The following RAB15 variants were observed in gnomAD, a reference collection of about 807,000 sequenced individuals.
RAB15 encodes ras-related protein Rab-15.
In RAB15, 13 loss-of-function variants were observed where a neutral mutation model predicts 31.8. The observed-to-expected ratio is 0.41, with a 90% confidence interval of 0.27 to 0.65. RAB15 has a LOEUF of 0.65. RAB15 is among the 30% of genes least tolerant of loss of function. The probability of loss-of-function intolerance (pLI) is 0.32; values close to 1 mark genes in which losing one functional copy is unlikely to be tolerated. For missense variants in RAB15, 220 were observed against 277.3 expected (o/e 0.79, Z 1.47); for synonymous variants, 100 against 105.6 (o/e 0.95, Z 0.33).
rs1419849218 is a variant in RAB15, at chr14:64,953,652, G to C, written c.125-1081C>G. ...AGAGAAGTCAGCACCACCAGCAGCA[G>C]CCAGCTTGACTCTGAGTGACAACAG... On this transcript the variant is annotated intron_variant, in intron 1 of 6. Coordinates refer to ENST00000533601, the MANE Select transcript of RAB15 (RefSeq NM_001308154.2). The surrounding 1 kb of genome is among the most constrained non-coding windows in gnomAD (Gnocchi z 4.6). 6.5e-6 allele frequency: 2 copies of C among 306,154 alleles called. No homozygotes were observed. Among genetic ancestry groups the C allele is most frequent in the African/African-American group, 4.5e-5 (2 of 44,154 alleles). The allele number at this position is 306,154 out of a possible 1,614,324, so 19.0% of individuals were successfully genotyped here. A position where few individuals can be genotyped will look rare whatever the true frequency, so the allele number is the denominator to read the frequency against.
Position 64,951,185 on chromosome 14 carries a change from C to T in RAB15, c.247-34G>A. The T allele has an allele frequency of 6.4e-7, 1 of 1,564,776 alleles. No individual in the cohort carries two copies. The highest frequency in any genetic ancestry group is 8.8e-7 in the Non-Finnish European group (1 of 1,140,044). ...GAGAGAAATAGAGAGATGTGATATG[C>T]ACAGAGAGAGTGCAGTCATGGGGCC... On this transcript the variant is annotated intron_variant, in intron 3 of 6. Coordinates refer to ENST00000533601, the MANE Select transcript of RAB15 (RefSeq NM_001308154.2). The surrounding 1 kb of genome is among the most constrained non-coding windows in gnomAD (Gnocchi z 7.2).
At position 64,970,454 on chromosome 14, in the gene RAB15, T is replaced by G. The variant is rs1283682072; in HGVS notation, c.124+1499A>C. Among the ~76,000 whole-genome samples, 1 of 152,194 alleles carries G rather than the reference T, an allele frequency of 6.6e-6. No homozygotes were observed. Among genetic ancestry groups the G allele is most frequent in the Non-Finnish European group, 1.5e-5 (1 of 68,042 alleles). On this transcript the variant is annotated intron_variant, in intron 1 of 6. Transcript: ENST00000533601. This position sits in a 1 kb window ranked among gnomAD's most constrained non-coding sequence, Gnocchi z 4.1. The stretch of plus-strand genomic sequence containing the variant: ...ATGGCTCAGCCCAAGCTCCTGGGTT[T>G]CCTAAGAGTTGGCCTTACAGCTCCT...
At position 64,948,417 on chromosome 14, in the gene RAB15, C is replaced by G. The variant is rs1269185738; in HGVS notation, c.576G>C (p.Glu192Asp). The G allele has an allele frequency of 6.2e-7, 1 of 1,613,560 alleles. No individual in the cohort carries two copies. Among genetic ancestry groups the G allele is most frequent in the Admixed American group, 1.7e-5 (1 of 59,962 alleles). ...CGGGTTTGCCCTCCTCCTCCTCCAG[C>G]TCTGCCAGTGCCAACTCATTGCTGG... ...MRASNELALA[E>D]LEEEEGKPEG... The change falls in exon 7 of 7, where the codon GAG (glutamate) becomes GAC (aspartate). Residue 192 changes from glutamate (E) to aspartate (D), a missense_variant. Physicochemically the swap from Glu to Asp is conservative, Grantham distance 45. Coordinates refer to ENST00000533601, the MANE Select transcript of RAB15 (RefSeq NM_001308154.2). This position sits in a 1 kb window ranked among gnomAD's most constrained non-coding sequence, Gnocchi z 7.0.
In RAB15 at chr14:64,971,408, C is replaced by G. The variant is rs1887410338; in HGVS notation, c.124+545G>C. On this transcript the variant is annotated intron_variant, in intron 1 of 6. Transcript: ENST00000533601. The surrounding 1 kb of genome is among the most constrained non-coding windows in gnomAD (Gnocchi z 4.1). Reference sequence around the variant, plus strand: ...TCCTCACCCTATCTGTGTCCTCCCCCAGGTGTCCCACCTTGCGGCTTACCT... The same window carrying G: ...TCCTCACCCTATCTGTGTCCTCCCCGAGGTGTCCCACCTTGCGGCTTACCT... Among the ~76,000 whole-genome samples the G allele has an allele frequency of 6.6e-6, 1 of 152,130 alleles. No individual in the cohort carries two copies. The highest frequency in any genetic ancestry group is 6.5e-5 in the Admixed American group (1 of 15,278).
intron 1 of RAB15, among the ~76,000 whole-genome samples, chr14:64,959,848 C>CAAA (rs34981340): frequency 0.2 from 8,568 of 41,874 alleles, 1,280 homozygotes; most frequent in East Asian, 0.47. Context: ...GACCCTGTCT[C>CAAA]AAAAAAAAAA....
chr14:64,952,458 G>C lies in RAB15; in HGVS notation c.185+53C>G. 1 of 1,389,236 alleles carries C rather than the reference G, an allele frequency of 7.2e-7. No homozygotes were observed. Among genetic ancestry groups the C allele is most frequent in the Non-Finnish European group, 1.0e-6 (1 of 980,456 alleles). 86.1% of individuals were successfully genotyped at this position (1,389,236 alleles called of 1,614,324 possible). On this transcript the variant is annotated intron_variant, in intron 2 of 6. Coordinates refer to ENST00000533601, the MANE Select transcript of RAB15 (RefSeq NM_001308154.2). This position sits in a 1 kb window ranked among gnomAD's most constrained non-coding sequence, Gnocchi z 4.2. ...TACACATGGCAGGGGCAGCTAAGGA[G>C]CAGCCAGAAGTCCTCTTCTCCTACA...
At position 64,971,023 on chromosome 14, in the gene RAB15, G is replaced by A. The variant is rs1887387418; in HGVS notation, c.124+930C>T. On this transcript the variant is annotated intron_variant, in intron 1 of 6. Coordinates refer to ENST00000533601, the MANE Select transcript of RAB15 (RefSeq NM_001308154.2). The surrounding 1 kb of genome is among the most constrained non-coding windows in gnomAD (Gnocchi z 4.1). The stretch of plus-strand genomic sequence containing the variant: ...CCAGCCAGCCAGCAGGTGTTTCCAG[G>A]GGCCTGGGCAATGCAGAGGCTACTC... 6.6e-6 allele frequency among the ~76,000 whole-genome samples: 1 copy of A among 152,176 alleles called. No individual in the cohort carries two copies. The highest frequency in any genetic ancestry group is 1.9e-4 in the East Asian group (1 of 5,180).
chr14:64,948,012 G>A lies in RAB15; in HGVS notation c.*342C>T, dbSNP rs137942279. 5.8e-3 allele frequency: 1,552 copies of A among 268,288 alleles called. 16 individuals are homozygous for A. Among genetic ancestry groups the A allele is most frequent in the Middle Eastern group, 0.022 (22 of 980 alleles). 16.6% of individuals were successfully genotyped at this position (268,288 alleles called of 1,614,324 possible). On this transcript the variant is annotated 3_prime_UTR_variant, in exon 7 of 7. Transcript: ENST00000533601. The surrounding 1 kb of genome is among the most constrained non-coding windows in gnomAD (Gnocchi z 7.0). ...GCAGAGAAGAGACACGATGCACGGA[G>A]AAAGGAGCAGCTGAAAGTGGCCTGG... is the stretch of plus-strand genomic sequence containing the variant.
In RAB15 at chr14:64,971,896, G is replaced by T; in HGVS notation, c.124+57C>A. 1 of 1,498,272 alleles carries T rather than the reference G, an allele frequency of 6.7e-7. No individual in the cohort carries two copies. The highest frequency in any genetic ancestry group is 9.0e-7 in the Non-Finnish European group (1 of 1,112,212). 92.8% of individuals were successfully genotyped at this position (1,498,272 alleles called of 1,614,324 possible). On this transcript the variant is annotated intron_variant, in intron 1 of 6. Transcript: ENST00000533601. This position sits in a 1 kb window ranked among gnomAD's most constrained non-coding sequence, Gnocchi z 4.1. ...TCCTCCCCAGCTGGGGACGGGGGCG[G>T]CGGGGAAAGGGGCCGCGGGCGGGGA...
intron 1 of RAB15, among the ~76,000 whole-genome samples, chr14:64,966,297 G>A (rs572278869): frequency 6.6e-6 from 1 of 152,210 alleles, no homozygotes; most frequent in East Asian, 1.9e-4. Context: ...CACAAGTGAT[G>A]GATACACAGG....
In RAB15 at chr14:64,948,854, T is replaced by C. The variant is rs1196114951; in HGVS notation, c.415-121A>G. 6 of 854,684 alleles carry C rather than the reference T, an allele frequency of 7.0e-6. No individual in the cohort carries two copies. The highest frequency in any genetic ancestry group is 1.6e-5 in the South Asian group (1 of 64,218). 52.9% of individuals were successfully genotyped at this position (854,684 alleles called of 1,614,324 possible). A position where few individuals can be genotyped will look rare whatever the true frequency, so the allele number is the denominator to read the frequency against. ...GCTGTGTTGTGACGATTTCTCAGAG[T>C]AGATAATTTCTCAGATGGGACTGGG... On this transcript the variant is annotated intron_variant, in intron 5 of 6. Coordinates refer to ENST00000533601, the MANE Select transcript of RAB15 (RefSeq NM_001308154.2). This position sits in a 1 kb window ranked among gnomAD's most constrained non-coding sequence, Gnocchi z 7.0.
intron 1 of RAB15, among the ~76,000 whole-genome samples, chr14:64,969,816 A>G (rs762145719): frequency 2.0e-5 from 3 of 152,200 alleles, no homozygotes; most frequent in Admixed American, 1.3e-4. Flanking sequence ...GTGTTCACCT[A>G]TTAGCAGAAG....
At chr14:64,967,615 A>C (rs1887207514) in intron 1 of RAB15, among the ~76,000 whole-genome samples, 1 of 151,406 alleles carries the variant, frequency 6.6e-6, no homozygotes, top group Non-Finnish European at 1.5e-5. Context: ...AGAAAAGAAA[A>C]CCAACAACTC....
Position 64,950,311 on chromosome 14 carries a change from T to C in RAB15, c.414+14A>G, listed in dbSNP as rs146504008. The C allele has an allele frequency of 4.0e-5, 64 of 1,610,706 alleles. No homozygotes were observed. The African/African-American group carries it at 7.2e-4, about 18-fold the overall frequency. On this transcript the variant is annotated intron_variant, in intron 5 of 6. Transcript: ENST00000533601. This position sits in a 1 kb window ranked among gnomAD's most constrained non-coding sequence, Gnocchi z 5.6. Reference sequence around the variant, plus strand: ...AGAGGACCTGGGGTGGACTTGCCTTTTCCCTCCACTTACCTGCTGCCCTTG... The same window carrying C: ...AGAGGACCTGGGGTGGACTTGCCTTCTCCCTCCACTTACCTGCTGCCCTTG...
rs1885908751 is a variant in RAB15 at position 64,946,109 on chromosome 14, TCTC to T, written c.*2242_*2244del. On this transcript the variant is annotated 3_prime_UTR_variant, in exon 7 of 7. Coordinates refer to ENST00000533601, the MANE Select transcript of RAB15 (RefSeq NM_001308154.2). ...CGTAGCTGCACCCTAAAATCCCAATTCTCCTTCTGCTCCCATACCTTTTCCCAG... is the reference window on the plus strand; with the variant it reads ...CGTAGCTGCACCCTAAAATCCCAATTCTTCTGCTCCCATACCTTTTCCCAG... 2 of 152,536 alleles carry T rather than the reference TCTC, an allele frequency of 1.3e-5. No homozygotes were observed. Among genetic ancestry groups the T allele is most frequent in the East Asian group, 3.9e-4 (2 of 5,160 alleles). 9.4% of individuals were successfully genotyped at this position (152,536 alleles called of 1,614,324 possible).
At chr14:64,956,023 A>G (rs2139979523) in intron 1 of RAB15, among the ~76,000 whole-genome samples, 1 of 152,336 alleles carries the variant, frequency 6.6e-6, no homozygotes, top group East Asian at 1.9e-4. Context: ...AGATGACGCT[A>G]CTGTCCACAT....
rs2296324 is a variant in RAB15, at chr14:64,954,020, A to G, written c.125-1449T>C. On this transcript the variant is annotated intron_variant, in intron 1 of 6. Transcript: ENST00000533601. This position sits in a 1 kb window ranked among gnomAD's most constrained non-coding sequence, Gnocchi z 4.3. ...CTGTCCCCAGCTTTCTACAAAGGCAAACAAATTAAATTCTGTCTCTTCCTT... is the reference window on the plus strand; with the variant it reads ...CTGTCCCCAGCTTTCTACAAAGGCAGACAAATTAAATTCTGTCTCTTCCTT... 2.3e-4 allele frequency: 226 copies of G among 985,454 alleles called. 3 individuals carry two copies. In the East Asian group the frequency reaches 0.018, roughly 79 times the overall value. 61.0% of individuals were successfully genotyped at this position (985,454 alleles called of 1,614,324 possible). A position where few individuals can be genotyped will look rare whatever the true frequency, so the allele number is the denominator to read the frequency against.
rs1196931588 is a variant in RAB15, at chr14:64,962,658, CA to C, written c.124+9294del. 6.6e-6 allele frequency among the ~76,000 whole-genome samples: 1 copy of C among 152,160 alleles called. No individual in the cohort carries two copies. Among genetic ancestry groups the C allele is most frequent in the Non-Finnish European group, 1.5e-5 (1 of 68,044 alleles). On this transcript the variant is annotated intron_variant, in intron 1 of 6. Coordinates refer to ENST00000533601, the MANE Select transcript of RAB15 (RefSeq NM_001308154.2). The surrounding 1 kb of genome is among the most constrained non-coding windows in gnomAD (Gnocchi z 4.2). Reference sequence around the variant, plus strand: ...GTGCCAGCAGGGAGATCCAAAGAATCAGGTAGAGGAAGCAGCAAAGATCCTG... The same window carrying C: ...GTGCCAGCAGGGAGATCCAAAGAATCGGTAGAGGAAGCAGCAAAGATCCTG...
intron 1 of RAB15, among the ~76,000 whole-genome samples, chr14:64,961,498 C>T (rs1886855721): frequency 6.6e-6 from 1 of 152,212 alleles, no homozygotes; most frequent in Admixed American, 6.5e-5. Flanking sequence ...CCCATCAGCT[C>T]AGCCAGGTTG....
Sources: gnomAD v4.1 joint callset for allele counts (sites outside exome capture counted in the v4.1 genomes callset) on GRCh38, gnomAD v4.1.1 for gene constraint, Gnocchi (gnomAD v3.1) non-coding constraint, MANE v1.5 for transcripts, NCBI Gene and HGNC (gene_info 2026-07-23, HGNC 2026-07-21) for gene names.